The following PHEX variants were observed in gnomAD, a reference collection of about 807,000 sequenced individuals.
The protein encoded by PHEX is phosphate-regulating neutral endopeptidase PHEX.
Under a neutral mutation model 68.0 loss-of-function variants are expected in PHEX, and 16 were observed. That is an observed-to-expected ratio of 0.24 (90% CI 0.16 to 0.36). The LOEUF (loss-of-function observed/expected upper bound fraction) is 0.36. PHEX is among the 10% of genes least tolerant of loss of function. The pLI, the probability that PHEX is intolerant of heterozygous loss-of-function variation, is 1.00. For synonymous variants in PHEX, 208 were observed against 205.1 expected (o/e 1.01, Z -0.12); for missense variants, 480 against 575.5 (o/e 0.83, Z 1.70).
chrX:22,209,644 C>T (rs781775864), intron 15 of PHEX, among the ~76,000 whole-genome samples: 1 of 108,551 alleles, frequency 9.2e-6, no homozygotes, highest in South Asian at 4.1e-4. Flanking sequence ...CTTTTGCCAA[C>T]CACTAGTTAA....
intron 3 of PHEX, among the ~76,000 whole-genome samples, chrX:22,075,285 CTTT>C (rs1164944990): frequency 0.065 from 4,008 of 62,039 alleles, 128 homozygotes; most frequent in African/African-American, 0.16. Flanking sequence ...CTCTGGGTTG[CTTT>C]TTTTTTTTTT....
At chrX:22,198,098 ATAGT>A (rs922425635) in intron 15 of PHEX, among the ~76,000 whole-genome samples, 1 of 92,703 alleles carries the variant, frequency 1.1e-5, no homozygotes, top group Non-Finnish European at 2.0e-5. Flanking sequence ...ATATACATTT[ATAGT>A]TATATATTAT....
intron 5 of PHEX, among the ~76,000 whole-genome samples, chrX:22,078,834 C>T (rs1929269183): frequency 9.0e-6 from 1 of 111,605 alleles, no homozygotes; most frequent in Non-Finnish European, 1.9e-5. Context: ...ATGGAATTCT[C>T]AGTAAAAATC....
intron 2 of PHEX, among the ~76,000 whole-genome samples, chrX:22,041,236 A>C (rs1054710892): frequency 1.3e-5 from 1 of 79,315 alleles, no homozygotes; most frequent in Non-Finnish European, 2.4e-5. Flanking sequence ...TTCCATTCTT[A>C]AGTGATCTCT....
chrX:22,119,401 G>T (rs919264704), intron 11 of PHEX, among the ~76,000 whole-genome samples: 3 of 110,925 alleles, frequency 2.7e-5, no homozygotes, highest in African/African-American at 6.6e-5. Flanking sequence ...CTCCCCTAGA[G>T]AATTGATGAT....
intron 1 of PHEX, 21 bp downstream of exon 1, chrX:22,033,144 C>CG (rs1926877368): frequency 9.4e-7 from 1 of 1,065,363 alleles, no homozygotes; most frequent in Non-Finnish European, 1.3e-6. Flanking sequence ...TGCAGGAGGC[C>CG]GGGGGAACTG....
intron 3 of PHEX, among the ~76,000 whole-genome samples, chrX:22,066,850 G>A (rs1336497459): frequency 9.0e-6 from 1 of 111,684 alleles, no homozygotes; most frequent in African/African-American, 3.3e-5. Context: ...TTTCATAGAC[G>A]AGGGAGGAAT....
At chrX:22,101,784 T>G (rs1022639868) in intron 9 of PHEX, among the ~76,000 whole-genome samples, 3 of 111,331 alleles carry the variant, frequency 2.7e-5, no homozygotes, top group African/African-American at 9.8e-5. Flanking sequence ...CTGGGAAATA[T>G]AGTTTAGCTA....
intron 16 of PHEX, among the ~76,000 whole-genome samples, 170 bp from the exon 17 acceptor site, chrX:22,218,866 A>G (rs140170232): frequency 1.6e-3 from 184 of 112,380 alleles, no homozygotes; most frequent in Non-Finnish European, 3.1e-3. Context: ...GTCTATTTCA[A>G]TTGGAAGGTA....
At position 22,223,834 on chromosome X, in the gene PHEX, G is replaced by A. The variant is rs144301340; in HGVS notation, c.1899+2091G>A. ...TAATCATAATCTTCAAGAGCCAAGA[G>A]GAGTTGGGACTTGAGAAAGTAGCAT... On this transcript the variant is annotated intron_variant, in intron 18 of 21. Transcript: ENST00000379374. 6.5e-3 allele frequency among the ~76,000 whole-genome samples: 734 copies of A among 112,781 alleles called. 2 individuals carry two copies. The highest frequency in any genetic ancestry group is 0.022 in the African/African-American group (690 of 31,101).
intron 13 of PHEX, among the ~76,000 whole-genome samples, chrX:22,170,610 GTGAAC>G (rs1477362777): frequency 8.9e-6 from 1 of 112,136 alleles, no homozygotes; most frequent in Non-Finnish European, 1.9e-5. Flanking sequence ...ACTTGTGGTA[GTGAAC>G]TATTTTGGTT....
chrX:22,098,632 C>T (rs12390454), intron 8 of PHEX, among the ~76,000 whole-genome samples: 1 of 70,312 alleles, frequency 1.4e-5, no homozygotes, highest in East Asian at 4.2e-4. Flanking sequence ...ACTAAAAATA[C>T]AAAAAAAAAA....
chrX:22,087,392 C>A (rs1242343723), intron 5 of PHEX, among the ~76,000 whole-genome samples: 2 of 111,477 alleles, frequency 1.8e-5, no homozygotes, highest in Non-Finnish European at 3.8e-5. Context: ...TTGTTTCAGG[C>A]CAATGAGAGA....
At chrX:22,185,577 G>A (rs1934002465) in intron 14 of PHEX, among the ~76,000 whole-genome samples, 2 of 111,148 alleles carry the variant, frequency 1.8e-5, no homozygotes, top group African/African-American at 6.6e-5. Context: ...CAGTTTTCTG[G>A]GAAGATTCAG....
chrX:22,213,607 T>C (rs950449716), intron 16 of PHEX, among the ~76,000 whole-genome samples: 3 of 112,013 alleles, frequency 2.7e-5, no homozygotes. Flanking sequence ...GATTGTAGAC[T>C]CATGTAATTC....
chrX:22,195,027 T>C (rs1346739469), intron 15 of PHEX, among the ~76,000 whole-genome samples: 3 of 112,161 alleles, frequency 2.7e-5, no homozygotes, highest in African/African-American at 9.7e-5. Flanking sequence ...GGTGAGAACA[T>C]GAATCAGAGA....
chrX:22,213,235 T>C (rs1196927990), intron 16 of PHEX, among the ~76,000 whole-genome samples: 2 of 112,025 alleles, frequency 1.8e-5, no homozygotes, highest in African/African-American at 6.5e-5. Flanking sequence ...TATTTGGACA[T>C]TGAAGGATTG....
chrX:22,070,366 C>T (rs1169332741), intron 3 of PHEX, among the ~76,000 whole-genome samples: 1 of 111,501 alleles, frequency 9.0e-6, no homozygotes, highest in Non-Finnish European at 1.9e-5. Context: ...ACCTTGCTGA[C>T]ACTGACGTGA....
chrX:22,237,943 C>T (rs1367119677), intron 20 of PHEX, among the ~76,000 whole-genome samples: 1 of 112,677 alleles, frequency 8.9e-6, no homozygotes, highest in Non-Finnish European at 1.9e-5. Flanking sequence ...GTTCACTCTC[C>T]ATGTCCAACA....
Sources: gnomAD v4.1 joint callset for allele counts (sites outside exome capture counted in the v4.1 genomes callset) on GRCh38, gnomAD v4.1.1 for gene constraint, MANE v1.5 for transcripts, NCBI Gene and HGNC (gene_info 2026-07-23, HGNC 2026-07-21) for gene names.